NCOA1: variants seen among roughly 807,000 people sequenced by gnomAD.
NCOA1 encodes the protein Hin-2 protein.
In NCOA1, 35 loss-of-function variants were observed where a neutral mutation model predicts 150.9. The ratio of observed to expected loss-of-function variants is 0.23; its 90% CI spans 0.18 to 0.31. NCOA1 has a LOEUF of 0.31. NCOA1 is among the 10% of genes least tolerant of loss of function. NCOA1 has a pLI of 1.00. For synonymous variants in NCOA1, 590 were observed against 630.0 expected, an observed-to-expected ratio of 0.94 and a Z score of 0.95; for missense variants, 1,491 against 1,749.3, an observed-to-expected ratio of 0.85 and a Z score of 2.63.
At chr2:24,497,629 G>T (rs1406543187) in intron 1 of NCOA1, among the ~76,000 whole-genome samples, 1 of 151,704 alleles carries the variant, frequency 6.6e-6, no homozygotes, top group African/African-American at 2.4e-5. Context: ...CCGAGATCGC[G>T]CCATTGCACT....
intron 3 of NCOA1, among the ~76,000 whole-genome samples, chr2:24,638,023 A>G (rs1670016455): frequency 6.6e-6 from 1 of 152,064 alleles, no homozygotes; most frequent in African/African-American, 2.4e-5. Flanking sequence ...TGTTTACTGT[A>G]GTTATCCAAC....
Position 24,758,107 on chromosome 2 carries a change from A to C in NCOA1, c.4016A>C (p.Gln1339Pro), listed in dbSNP as rs1420444257. The part of the protein sequence containing the change: ...QNMNPMMAQM[Q>P]MSSLQMPGMN... Reference sequence around the variant, plus strand: ...ATGAACCCAATGATGGCCCAGATGCAGATGAGCTCTTTGCAGATGCCAGGA... The same window carrying C: ...ATGAACCCAATGATGGCCCAGATGCCGATGAGCTCTTTGCAGATGCCAGGA... Residue 1339 changes from glutamine to proline, a missense_variant, in exon 21 of 23, where the codon CAG becomes CCG. Gln to Pro is a moderately conservative substitution (Grantham distance 76, BLOSUM62 -1). This residue lies in a region of NCOA1 where 485 missense variants were observed against 522.8 expected (regional missense o/e 0.93). Transcript: ENST00000348332. The C allele has an allele frequency of 1.2e-6, 2 of 1,614,180 alleles. No individual in the cohort carries two copies.
At chr2:24,642,454 G>A (rs1434636102) in intron 3 of NCOA1, among the ~76,000 whole-genome samples, 1 of 151,836 alleles carries the variant, frequency 6.6e-6, no homozygotes, top group Non-Finnish European at 1.5e-5. Context: ...CTGATCTGGA[G>A]TTACATTTTC....
rs1663622465 is a variant in NCOA1 at position 24,741,922 on chromosome 2, T to C, written c.3442T>C (p.Ser1148Pro). ...QSFGNNLPPSSGLPVQMGNPR... is the reference protein window; with the variant it reads ...QSFGNNLPPSPGLPVQMGNPR... ...CTTTGGGAACAACCTCCCTCCCTCA[T>C]CTGGACTACCAGTTCAAATGGGGAA... The change falls in exon 19 of 23, where the codon TCT becomes CCT. Residue 1148 changes from serine (S) to proline (P), a missense_variant. Ser to Pro is a moderately conservative substitution (Grantham distance 74). Around this residue, in one of 8 missense-constraint regions of NCOA1, gnomAD observed 485 missense variants for 522.8 expected, o/e 0.93. Coordinates refer to ENST00000348332, the MANE Select transcript of NCOA1 (RefSeq NM_003743.5). 6.2e-7 allele frequency: 1 copy of C among 1,614,208 alleles called. No individual in the cohort carries two copies. Among genetic ancestry groups the C allele is most frequent in the South Asian group, 1.1e-5 (1 of 91,088 alleles).
chr2:24,629,813 CAT>C (rs1356211925), intron 3 of NCOA1, among the ~76,000 whole-genome samples: 2 of 77,340 alleles, frequency 2.6e-5, no homozygotes, highest in East Asian at 4.4e-4. Flanking sequence ...AAGTAACATA[CAT>C]ACATATATAT....
chr2:24,636,635 C>G (rs1669949432), intron 3 of NCOA1, among the ~76,000 whole-genome samples: 1 of 152,134 alleles, frequency 6.6e-6, no homozygotes, highest in Non-Finnish European at 1.5e-5. Context: ...AGGAACTCCA[C>G]TATATTCAAT....
chr2:24,588,121 G>A (rs1160545769), intron 3 of NCOA1, among the ~76,000 whole-genome samples: 1 of 151,798 alleles, frequency 6.6e-6, no homozygotes, highest in African/African-American at 2.4e-5. Context: ...ATCTCATTCT[G>A]TCACCCAGAC....
At chr2:24,544,376 G>A (rs1054105892) in intron 1 of NCOA1, among the ~76,000 whole-genome samples, 4 of 152,144 alleles carry the variant, frequency 2.6e-5, no homozygotes, top group Admixed American at 1.3e-4. Context: ...GGATATGAAA[G>A]ATAACTCAAG....
intron 1 of NCOA1, among the ~76,000 whole-genome samples, chr2:24,557,463 A>T (rs1384420371): frequency 2.6e-5 from 4 of 151,594 alleles, no homozygotes; most frequent in Admixed American, 2.6e-4. Context: ...TTTATCTTCC[A>T]ATGCTCTTCG....
In NCOA1 at chr2:24,768,727, A is replaced by G. The variant is rs1395148131; in HGVS notation, c.*336A>G. On this transcript the variant is annotated 3_prime_UTR_variant, in exon 23 of 23. Transcript: ENST00000348332. Reference sequence around the variant, plus strand: ...GGATGAAGGCTTTTGGAGGAGAACCAAAACGACAAGTTCCAAGAAGAAGAT... The same window carrying G: ...GGATGAAGGCTTTTGGAGGAGAACCGAAACGACAAGTTCCAAGAAGAAGAT... The G allele has an allele frequency of 2.6e-5, 6 of 228,926 alleles. No individual in the cohort carries two copies. The Admixed American group carries it at 3.4e-4, about 13-fold the overall frequency. 14.2% of individuals were successfully genotyped at this position (228,926 alleles called of 1,614,324 possible). A position where few individuals can be genotyped will look rare whatever the true frequency, so the allele number is the denominator to read the frequency against.
chr2:24,703,008 A>C (rs1012501294), intron 11 of NCOA1, among the ~76,000 whole-genome samples: 2 of 152,184 alleles, frequency 1.3e-5, no homozygotes, highest in Non-Finnish European at 2.9e-5. Flanking sequence ...CTCAGAACAT[A>C]AATACTTTGG....
intron 1 of NCOA1, among the ~76,000 whole-genome samples, chr2:24,538,217 C>T (rs1462149445): frequency 6.6e-6 from 1 of 152,162 alleles, no homozygotes; most frequent in Non-Finnish European, 1.5e-5. Context: ...TTTTACCTTT[C>T]CATCCCTGGT....
At chr2:24,566,463 C>T (rs1026979304) in intron 2 of NCOA1, among the ~76,000 whole-genome samples, 5 of 152,152 alleles carry the variant, frequency 3.3e-5, no homozygotes, top group Non-Finnish European at 7.3e-5. Flanking sequence ...TCATCCTATC[C>T]TCTCCTCGAA....
chr2:24,566,532 T>C (rs1666514507), intron 2 of NCOA1, among the ~76,000 whole-genome samples: 1 of 152,048 alleles, frequency 6.6e-6, no homozygotes, highest in African/African-American at 2.4e-5. Context: ...TGCTGATTGG[T>C]TCATGAGTGG....
intron 2 of NCOA1, among the ~76,000 whole-genome samples, chr2:24,576,170 G>GTTTTTGTTTTTGTTTTTTTTTTTTTTT (rs1666967476): frequency 2.2e-5 from 1 of 46,330 alleles, no homozygotes. Context: ...TTTGTTTTTT[G>GTTTTTGTTTTTGTTTTTTTTTTTTTTT]TTTTTTTTTT....
At chr2:24,577,740 T>C (rs1226340890) in intron 2 of NCOA1, among the ~76,000 whole-genome samples, 2 of 152,230 alleles carry the variant, frequency 1.3e-5, no homozygotes, top group African/African-American at 4.8e-5. Flanking sequence ...ACCAGTGTCT[T>C]CCAGCTCTGA....
At chr2:24,512,062 G>A (rs750473422) in intron 1 of NCOA1, among the ~76,000 whole-genome samples, 15 of 152,084 alleles carry the variant, frequency 9.9e-5, no homozygotes, top group Admixed American at 1.3e-4. Context: ...TTGCTGTACC[G>A]AAACTGTACT....
intron 19 of NCOA1, among the ~76,000 whole-genome samples, chr2:24,750,824 C>T (rs749999286): frequency 6.6e-6 from 1 of 150,560 alleles, no homozygotes; most frequent in Non-Finnish European, 1.5e-5. Context: ...GTAATGGCGG[C>T]ACAACTCTAT....
intron 19 of NCOA1, among the ~76,000 whole-genome samples, chr2:24,746,635 AG>A (rs11357249): frequency 0.028 from 4,216 of 152,326 alleles, 62 homozygotes; most frequent in African/African-American, 0.042. Flanking sequence ...AAGTTATCCA[AG>A]GTCCAGTGTG....
Sources: gnomAD v4.1 joint callset for allele counts (sites outside exome capture counted in the v4.1 genomes callset) on GRCh38, gnomAD v4.1.1 for gene constraint, gnomAD v4.1.1 regional missense constraint, MANE v1.5 for transcripts, NCBI Gene and HGNC (gene_info 2026-07-23, HGNC 2026-07-21) for gene names.